SLC25A12: variants seen among roughly 807,000 people sequenced by gnomAD.
SLC25A12 encodes the protein solute carrier family 25 member 12.
In SLC25A12, 32 loss-of-function variants were observed where a neutral mutation model predicts 83.3. That is an observed-to-expected ratio of 0.38 (90% confidence interval 0.29 to 0.52). The LOEUF (loss-of-function observed/expected upper bound fraction) is 0.52, where lower values mean the gene tolerates loss of function less well. SLC25A12 is among the 20% of genes least tolerant of loss of function. SLC25A12 has a pLI of 0.84. For missense variants in SLC25A12, 611 were observed against 835.6 expected (o/e 0.73, Z 3.31); for synonymous variants, 267 against 291.1 (o/e 0.92, Z 0.84).
intron 2 of SLC25A12, among the ~76,000 whole-genome samples, chr2:171,872,429 G>C (rs970999084): frequency 6.6e-6 from 1 of 152,070 alleles, no homozygotes; most frequent in Admixed American, 6.6e-5. Context: ...GTTCCACCAA[G>C]ATCACAAAAC....
chr2:171,887,434 T>C (rs1320909628), intron 2 of SLC25A12, among the ~76,000 whole-genome samples: 2 of 152,228 alleles, frequency 1.3e-5, no homozygotes, highest in African/African-American at 2.4e-5. Flanking sequence ...GCCTTTACTA[T>C]ACAACACACC....
At chr2:171,891,833 T>C (rs910635556) in intron 2 of SLC25A12, among the ~76,000 whole-genome samples, 1 of 152,234 alleles carries the variant, frequency 6.6e-6, no homozygotes, top group Admixed American at 6.5e-5. Flanking sequence ...ACTTCTGTTC[T>C]GGAAAAAAAT....
At chr2:171,831,249 C>T (rs1046005155) in intron 8 of SLC25A12, among the ~76,000 whole-genome samples, 8 of 152,160 alleles carry the variant, frequency 5.3e-5, no homozygotes, top group Admixed American at 2.0e-4. Flanking sequence ...GCCACAGACC[C>T]CATTTTAGGA....
At chr2:171,884,228 T>C (rs556315889) in intron 2 of SLC25A12, among the ~76,000 whole-genome samples, 201 of 149,896 alleles carry the variant, frequency 1.3e-3, no homozygotes, top group African/African-American at 4.6e-3. Context: ...TCTTCCTCTG[T>C]CGCCCAGGCT....
chr2:171,797,805 A>G (rs1209359418), intron 13 of SLC25A12, among the ~76,000 whole-genome samples: 1 of 152,188 alleles, frequency 6.6e-6, no homozygotes, highest in Non-Finnish European at 1.5e-5. Flanking sequence ...TTAAATCACA[A>G]TGATACACAG....
intron 3 of SLC25A12, among the ~76,000 whole-genome samples, chr2:171,857,071 T>C (rs1443656312): frequency 1.3e-5 from 2 of 152,204 alleles, no homozygotes; most frequent in Non-Finnish European, 2.9e-5. Context: ...GAAACATCAC[T>C]AATAAAAATT....
At chr2:171,886,117 C>T (rs1558945871) in intron 2 of SLC25A12, among the ~76,000 whole-genome samples, 1 of 152,004 alleles carries the variant, frequency 6.6e-6, no homozygotes, top group Non-Finnish European at 1.5e-5. Context: ...TAGTACATTG[C>T]AAAATTTCTC....
At chr2:171,826,223 G>C (rs1389727268) in intron 9 of SLC25A12, among the ~76,000 whole-genome samples, 4 of 152,122 alleles carry the variant, frequency 2.6e-5, no homozygotes, top group Admixed American at 6.5e-5. Flanking sequence ...TAAGGGGAAC[G>C]GGGTCAAACC....
At chr2:171,822,313 AG>A (rs1684209584) in intron 9 of SLC25A12, among the ~76,000 whole-genome samples, 1 of 152,208 alleles carries the variant, frequency 6.6e-6, no homozygotes, top group African/African-American at 2.4e-5. Context: ...AGCAGGTGTC[AG>A]GCTTAATGTA....
chr2:171,791,015 G>A (rs1000159022), intron 15 of SLC25A12, among the ~76,000 whole-genome samples: 21 of 152,002 alleles, frequency 1.4e-4, no homozygotes, highest in African/African-American at 3.6e-4. Flanking sequence ...CTCAATTTTC[G>A]GCCAAATCAT....
intron 2 of SLC25A12, among the ~76,000 whole-genome samples, chr2:171,872,449 TAAG>T: frequency 6.6e-6 from 1 of 151,888 alleles, no homozygotes; most frequent in Middle Eastern, 3.4e-3. Flanking sequence ...CCACTAGAGT[TAAG>T]AATAGGCAGG....
At chr2:171,884,095 G>C (rs1297476682) in intron 2 of SLC25A12, among the ~76,000 whole-genome samples, 1 of 148,300 alleles carries the variant, frequency 6.7e-6, no homozygotes, top group Non-Finnish European at 1.5e-5. Flanking sequence ...GGCCAGGCTG[G>C]TCTCAAACTA....
At chr2:171,827,091 G>C (rs374846394) in intron 8 of SLC25A12, among the ~76,000 whole-genome samples, 2 of 152,186 alleles carry the variant, frequency 1.3e-5, no homozygotes, top group African/African-American at 4.8e-5. Context: ...ATAATGTGGA[G>C]TGCATGAATT....
intron 2 of SLC25A12, among the ~76,000 whole-genome samples, chr2:171,876,967 T>C (rs1307659449): frequency 3.9e-5 from 6 of 152,330 alleles, no homozygotes; most frequent in Non-Finnish European, 8.8e-5. Flanking sequence ...GTCCATTTTC[T>C]TGATTAAACT....
rs144912317 is a variant in SLC25A12 at position 171,881,235 on chromosome 2, C to A, written c.66+11970G>T. Reference sequence around the variant, plus strand: ...TGGTGTGATCTCAGCTCACTGCAACCACCATCTCCCAGGTTCAAGCGATTC... The same window carrying A: ...TGGTGTGATCTCAGCTCACTGCAACAACCATCTCCCAGGTTCAAGCGATTC... On this transcript the variant is annotated intron_variant, in intron 2 of 17. Transcript: ENST00000422440. Among the ~76,000 whole-genome samples the A allele has an allele frequency of 3.8e-4, 58 of 152,198 alleles. No individual in the cohort carries two copies. The East Asian group carries it at 8.7e-3, about 23-fold the overall frequency.
chr2:171,855,532 T>C (rs966482396), intron 4 of SLC25A12, among the ~76,000 whole-genome samples: 1 of 152,084 alleles, frequency 6.6e-6, no homozygotes. Context: ...AAAATCGACC[T>C]TGTAAGGAAT....
intron 8 of SLC25A12, among the ~76,000 whole-genome samples, chr2:171,831,611 A>C (rs1266119913): frequency 6.6e-6 from 1 of 152,146 alleles, no homozygotes; most frequent in Non-Finnish European, 1.5e-5. Context: ...TAGGGTTCAT[A>C]AAGTGGGAAA....
intron 2 of SLC25A12, among the ~76,000 whole-genome samples, chr2:171,876,252 T>C (rs1685567879): frequency 6.6e-6 from 1 of 152,128 alleles, no homozygotes; most frequent in South Asian, 2.1e-4. Context: ...GTGTATAGCT[T>C]AGAGGAAAAA....
At position 171,827,393 on chromosome 2, in the gene SLC25A12, C is replaced by T. The variant is rs530798034; in HGVS notation, c.846-511G>A. 3.9e-5 allele frequency among the ~76,000 whole-genome samples: 6 copies of T among 152,196 alleles called. No individual in the cohort carries two copies. The South Asian group carries it at 1.2e-3, about 32-fold the overall frequency. ...AGAATAGGGTCTGGAGACAGGCAGCCTTCACTTCAGCCTCTGATTGGTCAT... is the reference window on the plus strand; with the variant it reads ...AGAATAGGGTCTGGAGACAGGCAGCTTTCACTTCAGCCTCTGATTGGTCAT... On this transcript the variant is annotated intron_variant, in intron 8 of 17. Transcript: ENST00000422440.
Sources: allele counts gnomAD v4.1 joint callset (sites outside exome capture counted in the v4.1 genomes callset), GRCh38; gene constraint gnomAD v4.1.1; transcripts MANE v1.5; gene names NCBI Gene and HGNC (gene_info 2026-07-23, HGNC 2026-07-21).